The following KHDRBS1 variants were observed in gnomAD, a reference collection of about 807,000 sequenced individuals.
The protein encoded by KHDRBS1 is KH RNA binding domain containing, signal transduction associated 1, also known as KH domain-containing, RNA-binding, signal transduction-associated protein 1.
In KHDRBS1, 7 loss-of-function variants were observed where a neutral mutation model predicts 48.4. The observed-to-expected ratio is 0.14, with a 90% CI of 0.08 to 0.27. The LOEUF is 0.27. Among genes scored for constraint, KHDRBS1 ranks in the 10% least tolerant of loss-of-function variants. The pLI is 1.00. For missense variants in KHDRBS1, 458 were observed against 601.2 expected, an observed-to-expected ratio of 0.76 and a Z score of 2.49; for synonymous variants, 241 against 235.8, an observed-to-expected ratio of 1.02 and a Z score of -0.20.
intron 3 of KHDRBS1, among the ~76,000 whole-genome samples, chr1:32,032,489 G>A (rs767068723): frequency 2.0e-5 from 3 of 152,144 alleles, no homozygotes; most frequent in East Asian, 1.9e-4. Flanking sequence ...AGCAGAGCTC[G>A]TGGTGATTAA....
At chr1:32,038,529 T>C in intron 6 of KHDRBS1, 23 bp from the exon 7 acceptor site, 1 of 1,607,766 alleles carries the variant, frequency 6.2e-7, no homozygotes, top group Non-Finnish European at 8.5e-7. Flanking sequence ...TTTTATTTCA[T>C]TTTTTTGTTG....
chr1:32,036,000 G>A (rs1390120099), intron 4 of KHDRBS1, among the ~76,000 whole-genome samples: 1 of 152,042 alleles, frequency 6.6e-6, no homozygotes, highest in Non-Finnish European at 1.5e-5. Context: ...AAAGCCTGTT[G>A]ATCCAACACC....
intron 1 of KHDRBS1, among the ~76,000 whole-genome samples, chr1:32,018,646 AC>A (rs1258054506): frequency 6.6e-6 from 1 of 152,004 alleles, no homozygotes; most frequent in Non-Finnish European, 1.5e-5. Flanking sequence ...AGTCCCAGCT[AC>A]TGGGGAGGCT....
intron 10 of KHDRBS1, among the ~76,000 whole-genome samples, chr1:32,059,437 G>T (rs1339708047): frequency 2.0e-5 from 3 of 151,940 alleles, no homozygotes; most frequent in African/African-American, 7.3e-5. Context: ...CGTATATGGA[G>T]GCTGAGGTTG....
intron 10 of KHDRBS1, among the ~76,000 whole-genome samples, chr1:32,059,594 T>C (rs1435119679): frequency 1.3e-5 from 2 of 151,576 alleles, no homozygotes; most frequent in Non-Finnish European, 2.9e-5. Context: ...GGTTTTAGCA[T>C]GAGATCAAGC....
intron 2 of KHDRBS1, among the ~76,000 whole-genome samples, chr1:32,030,682 G>T (rs1341105012): frequency 6.6e-6 from 1 of 151,772 alleles, no homozygotes; most frequent in Non-Finnish European, 1.5e-5. Flanking sequence ...CAGGCTACAA[G>T]TTCAAAGAAA....
chr1:32,031,177 G>A (rs776463757), intron 2 of KHDRBS1, among the ~76,000 whole-genome samples: 65 of 152,324 alleles, frequency 4.3e-4, no homozygotes, highest in Middle Eastern at 6.8e-3. Flanking sequence ...AGTCCAGAAA[G>A]TTGAGGCTGT....
intron 8 of KHDRBS1, among the ~76,000 whole-genome samples, chr1:32,041,694 C>G (rs1023644292): frequency 6.9e-6 from 1 of 145,768 alleles, no homozygotes; most frequent in African/African-American, 2.5e-5. Context: ...GGTTCAAGCA[C>G]TTCTCCTGCC....
intron 1 of KHDRBS1, among the ~76,000 whole-genome samples, chr1:32,029,175 G>A (rs1216092948): frequency 6.6e-6 from 1 of 152,108 alleles, no homozygotes; most frequent in Non-Finnish European, 1.5e-5. Context: ...TGTATGCCAA[G>A]TTTCTATCTA....
chr1:32,039,393 G>T, intron 7 of KHDRBS1, 122 bp from the exon 8 acceptor site: 2 of 689,410 alleles, frequency 2.9e-6, no homozygotes, highest in Admixed American at 2.0e-5. Context: ...TAGGGATGGG[G>T]CAGAATGAGT....
chr1:32,040,137 G>A (rs998512299), intron 8 of KHDRBS1, among the ~76,000 whole-genome samples: 5 of 152,134 alleles, frequency 3.3e-5, no homozygotes, highest in Non-Finnish European at 5.9e-5. Flanking sequence ...ATTAGGGCCG[G>A]GCGTGGTGGC....
chr1:32,041,144 G>A (rs1472307725), intron 8 of KHDRBS1, among the ~76,000 whole-genome samples: 1 of 152,094 alleles, frequency 6.6e-6, no homozygotes, highest in East Asian at 1.9e-4. Context: ...TCTGATCTCT[G>A]CTTTGATTAA....
In KHDRBS1 at chr1:32,014,279, T is replaced by G. The variant is rs1569750668; in HGVS notation, c.284T>G (p.Val95Gly). The G allele has an allele frequency of 6.4e-7, 1 of 1,552,714 alleles. No homozygotes were observed. Among genetic ancestry groups the G allele is most frequent in the South Asian group, 1.2e-5 (1 of 83,488 alleles). The part of the protein sequence containing the change: ...PLLPPSATAS[V>G]KMEPENKYLP... ...CTGCCCCCCTCGGCCACAGCCTCGGTCAAGATGGAGCCAGAGAACAAGTAC... is the reference window on the plus strand; with the variant it reads ...CTGCCCCCCTCGGCCACAGCCTCGGGCAAGATGGAGCCAGAGAACAAGTAC... Residue 95 changes from valine (V) to glycine (G), a missense_variant, in exon 1 of 9, where the codon GTC becomes GGC. Coordinates refer to ENST00000327300, the MANE Select transcript of KHDRBS1 (RefSeq NM_006559.3).
At chr1:32,027,193 A>G (rs891259930) in intron 1 of KHDRBS1, among the ~76,000 whole-genome samples, 2 of 152,104 alleles carry the variant, frequency 1.3e-5, no homozygotes, top group African/African-American at 2.4e-5. Flanking sequence ...TGGCCTCCCA[A>G]CGTGCTGGGA....
chr1:32,029,928 T>C (rs1639049407), intron 1 of KHDRBS1, among the ~76,000 whole-genome samples: 1 of 152,240 alleles, frequency 6.6e-6, no homozygotes, highest in South Asian at 2.1e-4. Context: ...TATTTACTTT[T>C]GTTTTTTTCA....
At chr1:32,024,759 T>C (rs1638930196) in intron 1 of KHDRBS1, among the ~76,000 whole-genome samples, 1 of 152,182 alleles carries the variant, frequency 6.6e-6, no homozygotes, top group Non-Finnish European at 1.5e-5. Flanking sequence ...TGAGGATTAA[T>C]GAGGTAATAG....
At chr1:32,021,712 G>C (rs1452429392) in intron 1 of KHDRBS1, among the ~76,000 whole-genome samples, 1 of 152,088 alleles carries the variant, frequency 6.6e-6, no homozygotes, top group African/African-American at 2.4e-5. Flanking sequence ...TGCTTCCCGG[G>C]TTCAAGCGAT....
At position 32,014,355 on chromosome 1, in the gene KHDRBS1, C is replaced by A; in HGVS notation, c.360C>A (p.His120Gln). Residue 120 changes from histidine to glutamine, a missense_variant, in exon 1 of 9, where the codon CAC becomes CAA. Transcript: ENST00000327300. Reference protein sequence around the residue: ...EKDSLDPSFTHAMQLLTAEIE... With the variant: ...EKDSLDPSFTQAMQLLTAEIE... ...ACTCGCTCGACCCGTCCTTCACTCA[C>A]GCCATGCAGCTGCTGACGGCAGGTA... The A allele has an allele frequency of 2.7e-6, 4 of 1,503,844 alleles. No homozygotes were observed. The highest frequency in any genetic ancestry group is 2.7e-6 in the Non-Finnish European group (3 of 1,116,004). The allele number at this position is 1,503,844 out of a possible 1,614,324, so 93.2% of individuals were successfully genotyped here. A position where few individuals can be genotyped will look rare whatever the true frequency, so the allele number is the denominator to read the frequency against.
intron 10 of KHDRBS1, chr1:32,052,449 T>C (rs950904356): frequency 6.6e-6 from 1 of 151,568 alleles, no homozygotes; most frequent in African/African-American, 2.4e-5. Flanking sequence ...CCGGGCTGGA[T>C]TGCAGTGGGG....
Sources: allele counts gnomAD v4.1 joint callset (sites outside exome capture counted in the v4.1 genomes callset), GRCh38; gene constraint gnomAD v4.1.1; transcripts MANE v1.5; gene names NCBI Gene and HGNC (gene_info 2026-07-23, HGNC 2026-07-21).